PKD1L3: variants seen among roughly 807,000 people sequenced by gnomAD.
PKD1L3 encodes the protein polycystin-1-like protein 3.
A neutral mutation model predicts 184.1 loss-of-function variants in PKD1L3; 239 were observed. The observed-to-expected ratio is 1.30, with a 90% CI of 1.17 to 1.45. The LOEUF is 1.45. PKD1L3 is among the 40% of genes most tolerant of loss of function. The probability of loss-of-function intolerance (pLI) is 0.00; values close to 1 mark genes in which losing one functional copy is unlikely to be tolerated. For missense variants in PKD1L3, 2,660 were observed against 2,067.2 expected (o/e 1.29, Z -5.56); for synonymous variants, 996 against 778.8 (o/e 1.28, Z -4.64).
At chr16:71,956,105 G>C (rs941046093) in intron 16 of PKD1L3, among the ~76,000 whole-genome samples, 12 of 151,032 alleles carry the variant, frequency 7.9e-5, no homozygotes, top group African/African-American at 2.4e-4. Context: ...TGATCCACTT[G>C]TCTCAGCCTC....
intron 18 of PKD1L3, among the ~76,000 whole-genome samples, chr16:71,952,328 T>A (rs1232343611): frequency 6.7e-6 from 1 of 149,242 alleles, no homozygotes; most frequent in Admixed American, 6.8e-5. Flanking sequence ...TTCTCCTGGC[T>A]CAGCTTCCTG....
chr16:71,994,510 G>C (rs1036980151), intron 2 of PKD1L3, among the ~76,000 whole-genome samples: 1 of 151,992 alleles, frequency 6.6e-6, no homozygotes, highest in Non-Finnish European at 1.5e-5. Flanking sequence ...TTGTTTGGTA[G>C]CTCAGATTAA....
intron 5 of PKD1L3, 23 bp from the exon 6 acceptor site, chr16:71,984,190 C>G (rs1198519513): frequency 2.0e-5 from 31 of 1,548,216 alleles, no homozygotes; most frequent in Non-Finnish European, 2.7e-5. Context: ...AAGAAGTTGT[C>G]AAAATTACTC....
chr16:71,999,384 A>G (rs2040895658), intron 1 of PKD1L3, among the ~76,000 whole-genome samples: 2 of 152,176 alleles, frequency 1.3e-5, no homozygotes, highest in Non-Finnish European at 2.9e-5. Flanking sequence ...AGAGATGTTT[A>G]TTAGGAAAAA....
chr16:71,983,687 G>C (rs12935814), intron 6 of PKD1L3, among the ~76,000 whole-genome samples: 81,183 of 108,478 alleles, frequency 0.75, 30,095 homozygotes, highest in South Asian at 0.82. Flanking sequence ...TTTTTTTTTG[G>C]AGACACAGTC....
chr16:71,937,529 T>C, intron 24 of PKD1L3, 110 bp from the exon 25 acceptor site: 1 of 1,178,988 alleles, frequency 8.5e-7, no homozygotes, highest in Non-Finnish European at 1.2e-6. Flanking sequence ...CAAATGTTTC[T>C]GAGTCTCAGT....
intron 11 of PKD1L3, among the ~76,000 whole-genome samples, chr16:71,974,649 G>C (rs911566731): frequency 6.6e-6 from 1 of 152,112 alleles, no homozygotes; most frequent in Non-Finnish European, 1.5e-5. Flanking sequence ...GCACCACTGC[G>C]CTCCACCCTG....
intron 11 of PKD1L3, among the ~76,000 whole-genome samples, chr16:71,976,204 T>G (rs1310246913): frequency 4.7e-5 from 7 of 148,432 alleles, no homozygotes; most frequent in South Asian, 2.1e-4. Context: ...TGCCTCTGCC[T>G]CCCAAAGTGC....
In PKD1L3 at chr16:71,998,314, C is replaced by T. The variant is rs2040860253; in HGVS notation, c.376G>A (p.Gly126Arg). 1.3e-6 allele frequency: 2 copies of T among 1,552,198 alleles called. No individual in the cohort carries two copies. The highest frequency in any genetic ancestry group is 1.7e-6 in the Non-Finnish European group (2 of 1,147,090). The change falls in exon 2 of 30, where the codon GGG becomes AGG. Residue 126 changes from glycine to arginine, a missense_variant. Gly to Arg is a moderately radical substitution (Grantham distance 125, BLOSUM62 -2). Transcript: ENST00000620267. ...TAGTATTTCAGTAAGCACTTGTCCC[C>T]TTTGGATGAGATCCGAATGAAGTTT... ...SRNFIRISSK[G>R]DKCLLKYYFI...
rs935635178 is a variant in PKD1L3, at chr16:71,999,897, G to A, written c.82C>T (p.Pro28Ser). The A allele has an allele frequency of 9.7e-6, 15 of 1,551,518 alleles. No individual in the cohort carries two copies. In the African/African-American group the frequency reaches 1.6e-4, roughly 17 times the overall value. The change falls in exon 1 of 30, where the codon CCA (proline) becomes TCA (serine). Residue 28 changes from proline to serine, a missense_variant. Pro to Ser is a moderately conservative substitution (Grantham distance 74). Transcript: ENST00000620267. ...ILGSELNSPA[P>S]HGQNNCYQLN... ...TGGTAACAATTATTTTGCCCATGTG[G>A]TGCTGGGCTGTTTAGCTCACTTCCT... is the stretch of plus-strand genomic sequence containing the variant.
intron 12 of PKD1L3, among the ~76,000 whole-genome samples, chr16:71,971,760 A>G (rs2039719096): frequency 6.6e-6 from 1 of 152,234 alleles, no homozygotes; most frequent in Non-Finnish European, 1.5e-5. Context: ...TTGTCCAGCT[A>G]TGACTGCCTG....
intron 13 of PKD1L3, among the ~76,000 whole-genome samples, chr16:71,969,034 A>C (rs1051096580): frequency 6.6e-6 from 1 of 151,610 alleles, no homozygotes; most frequent in Non-Finnish European, 1.5e-5. Context: ...GGGCTCAAGC[A>C]ATTCTCCTGC....
At chr16:71,990,680 G>A (rs562054230) in intron 3 of PKD1L3, among the ~76,000 whole-genome samples, 3 of 152,108 alleles carry the variant, frequency 2.0e-5, no homozygotes, top group African/African-American at 7.2e-5. Context: ...GTTGCAGTGA[G>A]CCGAGATTGT....
intron 16 of PKD1L3, among the ~76,000 whole-genome samples, chr16:71,956,575 G>A (rs948795463): frequency 2.9e-4 from 44 of 152,138 alleles, no homozygotes; most frequent in African/African-American, 8.7e-4. Context: ...GCCAGTCACC[G>A]ACAGACAAAT....
chr16:71,980,115 A>G lies in PKD1L3; in HGVS notation c.1163T>C (p.Met388Thr), dbSNP rs903741999. Residue 388 changes from methionine (M) to threonine (T), a missense_variant, in exon 8 of 30, where the codon ATG becomes ACG. Met to Thr is a moderately conservative substitution (Grantham distance 81). Coordinates refer to ENST00000620267, the MANE Select transcript of PKD1L3 (RefSeq NM_181536.2). ...GATATTCCCAAACTCCACCAAGGAC[A>G]TTTCCAGGATGTCTTCTACCTGCAT... ...HTEPVEDILE[M>T]SLVEFGNIGE... is the part of the protein sequence containing the mutation. 3.2e-6 allele frequency: 5 copies of G among 1,551,516 alleles called. No individual in the cohort carries two copies. Among genetic ancestry groups the G allele is most frequent in the African/African-American group, 1.4e-5 (1 of 73,056 alleles).
chr16:71,947,530 T>C lies in PKD1L3; in HGVS notation c.3680A>G (p.Glu1227Gly). ...MMSRMPRLNKENEQQTKRILA... is the reference protein window; with the variant it reads ...MMSRMPRLNKGNEQQTKRILA... ...GATCCTCTTTGTTTGTTGTTCATTC[T>C]CTTTGTTAAGCCGTGGCATCCTGCT... is the stretch of plus-strand genomic sequence containing the variant. The change falls in exon 22 of 30, where the codon GAG becomes GGG. Residue 1227 changes from glutamate to glycine, a missense_variant. By Grantham distance (98) the Glu-to-Gly change is moderately conservative. Coordinates refer to ENST00000620267, the MANE Select transcript of PKD1L3 (RefSeq NM_181536.2). The C allele has an allele frequency of 6.5e-7, 1 of 1,544,760 alleles. No individual in the cohort carries two copies. The highest frequency in any genetic ancestry group is 1.2e-5 in the South Asian group (1 of 83,942).
At chr16:71,985,637 G>A (rs1365487616) in intron 5 of PKD1L3, among the ~76,000 whole-genome samples, 1 of 152,232 alleles carries the variant, frequency 6.6e-6, no homozygotes, top group South Asian at 2.1e-4. Flanking sequence ...GTCTCATAAA[G>A]TTGCCTAAGC....
chr16:71,951,683 TCA>T lies in PKD1L3; in HGVS notation c.3069_3070del (p.Cys1023Ter). On this transcript the variant is annotated stop_gained and frameshift_variant, in exon 19 of 30. Transcript: ENST00000620267. LOFTEE classifies it high-confidence loss of function. ...GTCCCAAGAACTCCATGGCGGCTGC[TCA>T]CACTTGGAGAGTAGGTATGTATTTC... 1.3e-6 allele frequency: 2 copies of T among 1,551,704 alleles called. No individual in the cohort carries two copies. Among genetic ancestry groups the T allele is most frequent in the East Asian group, 4.9e-5 (2 of 40,926 alleles).
chr16:71,969,954 G>A lies in PKD1L3; in HGVS notation c.2105C>T (p.Ser702Leu). ...AAATCCTAAAAGGCTGGCCAGCAGT[G>A]ACACCCCAACAGGATTGTTGGTCAC... is the stretch of plus-strand genomic sequence containing the variant. The part of the protein sequence containing the change: ...LRVTNNPVGV[S>L]LLASLLGFYV... The change falls in exon 13 of 30, where the codon TCA (serine) becomes TTA (leucine). Residue 702 changes from serine to leucine, a missense_variant. Ser to Leu is a moderately radical substitution (Grantham distance 145). Coordinates refer to ENST00000620267, the MANE Select transcript of PKD1L3 (RefSeq NM_181536.2). 6.4e-7 allele frequency: 1 copy of A among 1,551,878 alleles called. No individual in the cohort carries two copies. The highest frequency in any genetic ancestry group is 1.7e-4 in the Middle Eastern group (1 of 5,992).
Sources: allele counts gnomAD v4.1 joint callset (sites outside exome capture counted in the v4.1 genomes callset), GRCh38; gene constraint gnomAD v4.1.1; transcripts MANE v1.5; gene names NCBI Gene and HGNC (gene_info 2026-07-23, HGNC 2026-07-21).